TG: variants seen among roughly 807,000 people sequenced by gnomAD.
TG encodes thyroid hormones.
TG carries 270 observed loss-of-function variants against 324.7 expected under a neutral mutation model. The ratio of observed to expected loss-of-function variants is 0.83; its 90% CI spans 0.75 to 0.92. The LOEUF (loss-of-function observed/expected upper bound fraction) is 0.92. Ranked by LOEUF, TG falls within the 40% of genes least tolerant of loss-of-function variation. The pLI is 0.00. For synonymous variants in TG, 1,401 were observed against 1,327.0 expected (o/e 1.06, Z -1.21); for missense variants, 3,591 against 3,456.4 (o/e 1.04, Z -0.98).
At chr8:132,980,473 T>A (rs771963087) in intron 34 of TG, among the ~76,000 whole-genome samples, 5 of 152,030 alleles carry the variant, frequency 3.3e-5, no homozygotes, top group Non-Finnish European at 7.4e-5. Context: ...GGCCCTCTTG[T>A]CCTATGCACC....
At chr8:132,980,860 C>A (rs190988654) in intron 34 of TG, among the ~76,000 whole-genome samples, 1 of 152,160 alleles carries the variant, frequency 6.6e-6, no homozygotes, top group African/African-American at 2.4e-5. Context: ...ATCAGTTGTA[C>A]CATATTTGCC....
chr8:133,132,034 G>A (rs369731303), intron 46 of TG, 88 bp downstream of exon 46: 10 of 1,567,504 alleles, frequency 6.4e-6, no homozygotes, highest in Middle Eastern at 4.2e-4. Flanking sequence ...AATTTGCATC[G>A]ATAGACTCAT....
In TG at chr8:133,100,210, C is replaced by T. The variant is rs377279202; in HGVS notation, c.7572+3837C>T. 6.6e-5 allele frequency among the ~76,000 whole-genome samples: 10 copies of T among 152,278 alleles called. No individual in the cohort carries two copies. The South Asian group carries it at 1.0e-3, about 16-fold the overall frequency. ...GTTTTTTCTTCTGGAATGTTCTTCC[C>T]AGACAACTCACTGCCTTACTCCCTT... On this transcript the variant is annotated intron_variant, in intron 43 of 47. Transcript: ENST00000220616.
In TG at chr8:133,051,223, C is replaced by T. The variant is rs376590688; in HGVS notation, c.7239+21200C>T. ...TGGGGTCTGGCTTCAGCGCCTGTTA[C>T]GAGTCTACTAGCCTCACCCTCTCCA... On this transcript the variant is annotated intron_variant, in intron 41 of 47. Coordinates refer to ENST00000220616, the MANE Select transcript of TG (RefSeq NM_003235.5). 1.2e-4 allele frequency among the ~76,000 whole-genome samples: 19 copies of T among 152,296 alleles called. No homozygotes were observed. The East Asian group carries it at 2.3e-3, about 19-fold the overall frequency.
At chr8:133,127,266 A>G (rs1409052385) in intron 45 of TG, among the ~76,000 whole-genome samples, 1 of 152,064 alleles carries the variant, frequency 6.6e-6, no homozygotes, top group Non-Finnish European at 1.5e-5. Context: ...GATAAGCCCA[A>G]ACTTTTGTGG....
rs567911533 is a variant in TG, at chr8:133,116,592, T to C, written c.7755-17T>C. 3 of 1,602,930 alleles carry C rather than the reference T, an allele frequency of 1.9e-6. No homozygotes were observed. Among genetic ancestry groups the C allele is most frequent in the South Asian group, 2.2e-5 (2 of 90,880 alleles). On this transcript the variant is annotated splice_polypyrimidine_tract_variant and intron_variant, in intron 44 of 47. Transcript: ENST00000220616. Reference sequence around the variant, plus strand: ...GCCATGTTTAACCAGACTCCCCCCATGTTCTCTTTTCACCAGGGACTACTT... The same window carrying C: ...GCCATGTTTAACCAGACTCCCCCCACGTTCTCTTTTCACCAGGGACTACTT...
chr8:132,953,866 T>G (rs922564333), intron 27 of TG, among the ~76,000 whole-genome samples: 3 of 152,330 alleles, frequency 2.0e-5, no homozygotes, highest in Admixed American at 2.0e-4. Context: ...AACCCTCTTA[T>G]TTGTCAGAAA....
chr8:132,947,147 C>A (rs2741227), intron 26 of TG, among the ~76,000 whole-genome samples: 120,885 of 151,938 alleles, frequency 0.8, 48,152 homozygotes, highest in Admixed American at 0.85. Flanking sequence ...AGCTCCTAGA[C>A]AAACCATTCT....
At chr8:133,011,066 A>G (rs74429855) in intron 35 of TG, among the ~76,000 whole-genome samples, 14,981 of 152,250 alleles carry the variant, frequency 0.098, 812 homozygotes, top group African/African-American at 0.12. Flanking sequence ...GGAGATTTGC[A>G]TGCAAGAAGC....
intron 45 of TG, among the ~76,000 whole-genome samples, chr8:133,124,494 T>C (rs1437112628): frequency 6.6e-6 from 1 of 151,868 alleles, no homozygotes; most frequent in Non-Finnish European, 1.5e-5. Flanking sequence ...TCAACTAGAG[T>C]TTTAATCCCA....
chr8:132,965,961 T>G (rs1828504058), intron 29 of TG, among the ~76,000 whole-genome samples: 1 of 152,202 alleles, frequency 6.6e-6, no homozygotes, highest in Non-Finnish European at 1.5e-5. Context: ...GATCATGGCA[T>G]GTAAATACCT....
chr8:132,894,014 G>A (rs1380778175), intron 11 of TG, 85 bp downstream of exon 11: 7 of 1,607,740 alleles, frequency 4.4e-6, no homozygotes, highest in Non-Finnish European at 5.9e-6. Context: ...TCATCCTTAG[G>A]ACTTTGTGGT....
intron 33 of TG, chr8:132,972,343 AC>A (rs1306854476): frequency 7.2e-6 from 4 of 558,364 alleles, no homozygotes; most frequent in Non-Finnish European, 1.3e-5. Context: ...AGTGATACCA[AC>A]AGAGACCTAG....
In TG at chr8:132,966,654, G is replaced by A. The variant is rs1040312471; in HGVS notation, c.5643G>A (p.Lys1881=). Residue 1881 remains lysine, a synonymous_variant, in exon 30 of 48, where the codon AAG becomes AAA. Coordinates refer to ENST00000220616, the MANE Select transcript of TG (RefSeq NM_003235.5). ...CCAGCCAGAAGCACTGGCTTTTCAAGCACCTGTTTTCAGCCCAGCAGGCAA... is the reference window on the plus strand; with the variant it reads ...CCAGCCAGAAGCACTGGCTTTTCAAACACCTGTTTTCAGCCCAGCAGGCAA... ...SLSSQKHWLF[K]HLFSAQQANL... 1 of 1,614,056 alleles carries A rather than the reference G, an allele frequency of 6.2e-7. No homozygotes were observed. Among genetic ancestry groups the A allele is most frequent in the Non-Finnish European group, 8.5e-7 (1 of 1,179,994 alleles).
intron 34 of TG, among the ~76,000 whole-genome samples, chr8:132,976,876 G>A (rs1830238373): frequency 1.3e-5 from 2 of 152,160 alleles, no homozygotes; most frequent in Non-Finnish European, 2.9e-5. Flanking sequence ...GAAGTGGGTG[G>A]TGGGATAAGT....
rs1165085307 is a variant in TG at position 132,893,818 on chromosome 8, C to T, written c.2890C>T (p.Arg964Trp). 1 of 1,613,856 alleles carries T rather than the reference C, an allele frequency of 6.2e-7. No homozygotes were observed. Among genetic ancestry groups the T allele is most frequent in the Non-Finnish European group, 8.5e-7 (1 of 1,179,950 alleles). Residue 964 changes from arginine to tryptophan, a missense_variant, in exon 11 of 48, where the codon CGG becomes TGG. Coordinates refer to ENST00000220616, the MANE Select transcript of TG (RefSeq NM_003235.5). ...GAGTTTCCTGGTGGCCAAGGGAATCCGGCTGAGGAATGAGGACCTCGGCCT... is the reference window on the plus strand; with the variant it reads ...GAGTTTCCTGGTGGCCAAGGGAATCTGGCTGAGGAATGAGGACCTCGGCCT... ...GESFLVAKGI[R>W]LRNEDLGLPP...
chr8:133,122,740 G>T (rs1026228362), intron 45 of TG, among the ~76,000 whole-genome samples: 1 of 152,204 alleles, frequency 6.6e-6, no homozygotes, highest in Non-Finnish European at 1.5e-5. Context: ...CTCTGCGTGT[G>T]AGTGTATGCA....
At chr8:133,000,710 T>C (rs1048707918) in intron 35 of TG, among the ~76,000 whole-genome samples, 15 of 152,200 alleles carry the variant, frequency 9.9e-5, no homozygotes, top group Non-Finnish European at 1.9e-4. Flanking sequence ...CATTTGACTA[T>C]GTGCATGCGA....
At chr8:133,074,883 G>A (rs1290565181) in intron 41 of TG, 2 of 985,588 alleles carry the variant, frequency 2.0e-6, no homozygotes, top group East Asian at 2.3e-4. Flanking sequence ...TCCTGTGGGA[G>A]CTGTCTGCAG....
Sources: gnomAD v4.1 joint callset for allele counts (sites outside exome capture counted in the v4.1 genomes callset) on GRCh38, gnomAD v4.1.1 for gene constraint, MANE v1.5 for transcripts, NCBI Gene and HGNC (gene_info 2026-07-23, HGNC 2026-07-21) for gene names.